The following LRFN5 variants were observed in gnomAD, a reference collection of about 807,000 sequenced individuals.
LRFN5 encodes the protein leucine rich repeat and fibronectin type III domain containing 5.
In LRFN5, 24 loss-of-function variants were observed where a neutral mutation model predicts 45.6. The ratio of observed to expected loss-of-function variants is 0.53; its 90% CI spans 0.38 to 0.74. The LOEUF is 0.74. LRFN5 is among the 30% of genes least tolerant of loss of function. The probability of loss-of-function intolerance (pLI) is 0.00; values close to 1 mark genes in which losing one functional copy is unlikely to be tolerated. For missense variants in LRFN5, 776 were observed against 861.5 expected (o/e 0.90, Z 1.24); for synonymous variants, 340 against 313.8 (o/e 1.08, Z -0.88).
intron 1 of LRFN5, among the ~76,000 whole-genome samples, chr14:41,639,974 T>TTA (rs1879496902): frequency 6.9e-6 from 1 of 145,604 alleles, no homozygotes; most frequent in African/African-American, 2.6e-5. Flanking sequence ...TTTTTTTTTT[T>TTA]TTTTATTTAC....
intron 1 of LRFN5, among the ~76,000 whole-genome samples, chr14:41,649,086 T>C (rs1188931871): frequency 6.6e-6 from 1 of 151,942 alleles, no homozygotes; most frequent in Non-Finnish European, 1.5e-5. Context: ...ATACAAAAAT[T>C]AGTTGGGCGT....
intron 2 of LRFN5, among the ~76,000 whole-genome samples, chr14:41,796,029 T>G (rs1298191640): frequency 6.6e-6 from 1 of 152,044 alleles, no homozygotes; most frequent in Non-Finnish European, 1.5e-5. Flanking sequence ...ATACATAATT[T>G]TATTCTTGTA....
At chr14:41,829,300 A>T (rs1282772618) in intron 2 of LRFN5, among the ~76,000 whole-genome samples, 1 of 152,036 alleles carries the variant, frequency 6.6e-6, no homozygotes, top group Non-Finnish European at 1.5e-5. Flanking sequence ...ATTTTTGAAG[A>T]TAATTACATT....
At chr14:41,609,980 G>A (rs957640244) in intron 1 of LRFN5, 1 of 152,526 alleles carries the variant, frequency 6.6e-6, no homozygotes, top group Non-Finnish European at 1.5e-5. Context: ...TCCTCTTCGA[G>A]TCTGGGCTCG....
chr14:41,862,702 A>AT (rs1889706246), intron 2 of LRFN5, among the ~76,000 whole-genome samples: 1 of 152,088 alleles, frequency 6.6e-6, no homozygotes, highest in Admixed American at 6.6e-5. Flanking sequence ...TGACAACTTT[A>AT]TTTTTTATGA....
intron 2 of LRFN5, among the ~76,000 whole-genome samples, chr14:41,792,244 A>G (rs1427149198): frequency 6.6e-6 from 1 of 152,098 alleles, no homozygotes; most frequent in African/African-American, 2.4e-5. Flanking sequence ...CAAAAAGCAG[A>G]ACAAAGATCA....
At chr14:41,623,100 G>A (rs1594557983) in intron 1 of LRFN5, among the ~76,000 whole-genome samples, 2 of 152,062 alleles carry the variant, frequency 1.3e-5, no homozygotes, top group East Asian at 1.9e-4. Flanking sequence ...TGTCAGCTCT[G>A]CTATTAAAGT....
chr14:41,751,326 T>A (rs1885122729), intron 1 of LRFN5, among the ~76,000 whole-genome samples: 1 of 152,076 alleles, frequency 6.6e-6, no homozygotes, highest in Non-Finnish European at 1.5e-5. Flanking sequence ...GCACATACTT[T>A]TAGAGCTATA....
chr14:41,887,113 C>T lies in LRFN5; in HGVS notation c.488C>T (p.Pro163Leu). ...DLSYNNLETI[P>L]WDAVEKMVSL... is the part of the protein sequence containing the mutation. ...TCCTATAATAATCTAGAAACCATTC[C>T]TTGGGATGCTGTTGAGAAGATGGTT... Residue 163 changes from proline (P) to leucine (L), a missense_variant, in exon 3 of 6, where the codon CCT becomes CTT. By Grantham distance (98) the Pro-to-Leu change is moderately conservative (BLOSUM62 -3). Coordinates refer to ENST00000298119, the MANE Select transcript of LRFN5 (RefSeq NM_152447.5). The surrounding 1 kb of genome is among the most constrained non-coding windows in gnomAD (Gnocchi z 4.8). 6.2e-7 allele frequency: 1 copy of T among 1,613,952 alleles called. No homozygotes were observed. The highest frequency in any genetic ancestry group is 8.5e-7 in the Non-Finnish European group (1 of 1,180,022).
At chr14:41,813,241 G>A (rs1477358821) in intron 2 of LRFN5, among the ~76,000 whole-genome samples, 1 of 152,094 alleles carries the variant, frequency 6.6e-6, no homozygotes, top group Non-Finnish European at 1.5e-5. Context: ...TGCATGTGCA[G>A]AGGGTACAGG....
chr14:41,615,617 A>G (rs1887902340), intron 1 of LRFN5, among the ~76,000 whole-genome samples: 1 of 152,160 alleles, frequency 6.6e-6, no homozygotes, highest in Non-Finnish European at 1.5e-5. Context: ...ACTACTGTCG[A>G]GTTAAGCAGG....
rs1891198466 is a variant in LRFN5, at chr14:41,904,520, T to A, written c.*345T>A. The stretch of plus-strand genomic sequence containing the variant: ...AGAATCTTGAATAATCTATATCACT[T>A]TAACAAATAAATGTTTTACTATGAC... On this transcript the variant is annotated 3_prime_UTR_variant, in exon 6 of 6. Transcript: ENST00000298119. 4.6e-6 allele frequency: 1 copy of A among 215,642 alleles called. No homozygotes were observed. Among genetic ancestry groups the A allele is most frequent in the Admixed American group, 5.8e-5 (1 of 17,336 alleles). The allele number at this position is 215,642 out of a possible 1,614,324, so 13.4% of individuals were successfully genotyped here.
At chr14:41,757,743 C>T (rs536606355) in intron 1 of LRFN5, among the ~76,000 whole-genome samples, 29 of 152,270 alleles carry the variant, frequency 1.9e-4, no homozygotes, top group Non-Finnish European at 2.9e-4. Flanking sequence ...GGCTCACGCT[C>T]GGTGCGCTGC....
At chr14:41,829,090 T>C (rs141184790) in intron 2 of LRFN5, among the ~76,000 whole-genome samples, 116 of 152,122 alleles carry the variant, frequency 7.6e-4, no homozygotes, top group African/African-American at 2.7e-3. Flanking sequence ...TCTCTGATGA[T>C]AAAATCACTC....
At chr14:41,802,370 G>T (rs144628800) in intron 2 of LRFN5, among the ~76,000 whole-genome samples, 2,877 of 152,194 alleles carry the variant, frequency 0.019, 33 homozygotes, top group Non-Finnish European at 0.029. Flanking sequence ...GATTTGACAG[G>T]ATTCTTGCTG....
intron 2 of LRFN5, among the ~76,000 whole-genome samples, chr14:41,836,083 G>T (rs1443656300): frequency 6.6e-6 from 1 of 151,954 alleles, no homozygotes; most frequent in Admixed American, 6.6e-5. Context: ...GAATCACAAA[G>T]ATATAAAAAT....
chr14:41,696,126 T>C (rs1252469394), intron 1 of LRFN5, among the ~76,000 whole-genome samples: 2 of 151,832 alleles, frequency 1.3e-5, no homozygotes, highest in African/African-American at 4.8e-5. Flanking sequence ...ACTGAAGATG[T>C]GAAAGAAATA....
intron 1 of LRFN5, among the ~76,000 whole-genome samples, chr14:41,676,510 CA>C (rs1881634747): frequency 6.6e-6 from 1 of 152,076 alleles, no homozygotes; most frequent in Admixed American, 6.5e-5. Context: ...TGATAATGAA[CA>C]AAATGTCAAA....
At chr14:41,755,124 G>T (rs1374703979) in intron 1 of LRFN5, among the ~76,000 whole-genome samples, 1 of 152,194 alleles carries the variant, frequency 6.6e-6, no homozygotes, top group Non-Finnish European at 1.5e-5. Flanking sequence ...ACTGTGGTCT[G>T]CGAGACAGTT....
Sources: gnomAD v4.1 joint callset for allele counts (sites outside exome capture counted in the v4.1 genomes callset) on GRCh38, gnomAD v4.1.1 for gene constraint, Gnocchi (gnomAD v3.1) non-coding constraint, MANE v1.5 for transcripts, NCBI Gene and HGNC (gene_info 2026-07-23, HGNC 2026-07-21) for gene names.